Variants in MICU1 observed in about 807,000 individuals in gnomAD.
MICU1 encodes mitochondrial calcium uptake 1.
A neutral mutation model predicts 56.8 loss-of-function variants in MICU1; 45 were observed. The ratio of observed to expected loss-of-function variants is 0.79; its 90% CI spans 0.62 to 1.02. The LOEUF is 1.02. Among genes scored for constraint, MICU1 ranks in the 50% least tolerant of loss-of-function variants. MICU1 has a pLI of 0.00. For missense variants in MICU1, 504 were observed against 587.1 expected (o/e 0.86, Z 1.46); for synonymous variants, 186 against 195.1 (o/e 0.95, Z 0.39).
At chr10:72,499,933 C>G (rs1340986159) in intron 6 of MICU1, among the ~76,000 whole-genome samples, 1 of 152,118 alleles carries the variant, frequency 6.6e-6, no homozygotes, top group African/African-American at 2.4e-5. Context: ...CACAACTTCA[C>G]TTGAATGCTA....
chr10:72,386,490 A>G (rs113212942), intron 10 of MICU1, among the ~76,000 whole-genome samples: 10,817 of 150,648 alleles, frequency 0.072, 1,332 homozygotes, highest in African/African-American at 0.25. Context: ...ACAAGGGACT[A>G]TCTTTTTGAA....
intron 6 of MICU1, chr10:72,501,895 C>T (rs917122486): frequency 6.6e-6 from 1 of 152,160 alleles, no homozygotes; most frequent in Non-Finnish European, 1.5e-5. Flanking sequence ...GAAGAATTAA[C>T]TCTAATGGAA....
chr10:72,409,764 T>C (rs1010426357), intron 9 of MICU1, among the ~76,000 whole-genome samples: 8 of 152,186 alleles, frequency 5.3e-5, no homozygotes, highest in African/African-American at 1.7e-4. Flanking sequence ...CTTAGAATCA[T>C]AGAACTTAAA....
chr10:72,400,866 T>TACACACACACAC (rs61091649), intron 10 of MICU1, among the ~76,000 whole-genome samples: 1 of 142,238 alleles, frequency 7.0e-6, no homozygotes, highest in Non-Finnish European at 1.6e-5. Context: ...CTGGTGGTGC[T>TACACACACACAC]ACACACACAC....
intron 6 of MICU1, among the ~76,000 whole-genome samples, chr10:72,489,306 ACAC>A (rs1866576710): frequency 7.1e-6 from 1 of 140,916 alleles, no homozygotes; most frequent in African/African-American, 3.2e-5. Flanking sequence ...ACACACACAC[ACAC>A]ACACACACAC....
intron 10 of MICU1, among the ~76,000 whole-genome samples, chr10:72,378,627 T>C (rs936519689): frequency 6.6e-6 from 1 of 152,144 alleles, no homozygotes; most frequent in Non-Finnish European, 1.5e-5. Flanking sequence ...AAGAATTAAT[T>C]AATACATCAC....
At chr10:72,396,072 G>T (rs1047417319) in intron 10 of MICU1, among the ~76,000 whole-genome samples, 3 of 152,186 alleles carry the variant, frequency 2.0e-5, no homozygotes, top group African/African-American at 7.2e-5. Flanking sequence ...CTGGGAGGAC[G>T]CTTCCAGAGG....
chr10:72,457,126 G>C (rs1865496262), intron 8 of MICU1, among the ~76,000 whole-genome samples: 1 of 151,700 alleles, frequency 6.6e-6, no homozygotes, highest in South Asian at 2.1e-4. Flanking sequence ...GCCCATCCTA[G>C]GGTAATTTCT....
chr10:72,561,763 A>G (rs1029473711), intron 3 of MICU1, among the ~76,000 whole-genome samples: 65 of 152,300 alleles, frequency 4.3e-4, no homozygotes, highest in African/African-American at 1.5e-3. Flanking sequence ...GTGAGCCAAG[A>G]TCATGCCATT....
intron 10 of MICU1, among the ~76,000 whole-genome samples, chr10:72,392,533 T>C (rs1053401281): frequency 2.6e-5 from 4 of 152,066 alleles, no homozygotes; most frequent in Non-Finnish European, 5.9e-5. Flanking sequence ...ATTGTACCAC[T>C]GCACTCCAGT....
At chr10:72,401,679 A>G (rs1211123616) in intron 10 of MICU1, among the ~76,000 whole-genome samples, 1 of 152,118 alleles carries the variant, frequency 6.6e-6, no homozygotes, top group Non-Finnish European at 1.5e-5. Flanking sequence ...AAAACAAAAC[A>G]TTTCCATCAC....
chr10:72,440,522 T>C (rs1173533835), intron 8 of MICU1, among the ~76,000 whole-genome samples: 2 of 152,094 alleles, frequency 1.3e-5, no homozygotes, highest in Non-Finnish European at 2.9e-5. Flanking sequence ...CCAAAAGCAA[T>C]GGCAACAAAA....
chr10:72,537,499 T>C (rs936231291), intron 4 of MICU1, among the ~76,000 whole-genome samples: 1 of 152,212 alleles, frequency 6.6e-6, no homozygotes, highest in African/African-American at 2.4e-5. Context: ...CACCAGACTA[T>C]AGCTATGTTG....
intron 10 of MICU1, 123 bp downstream of exon 10, chr10:72,407,806 C>G: frequency 1.6e-6 from 1 of 624,430 alleles, no homozygotes; most frequent in East Asian, 2.8e-5. Flanking sequence ...GTCAACAAAT[C>G]AAAACACCAT....
At chr10:72,586,835 G>A (rs540731993) in intron 1 of MICU1, among the ~76,000 whole-genome samples, 1 of 152,324 alleles carries the variant, frequency 6.6e-6, no homozygotes, top group South Asian at 2.1e-4. Context: ...AACAGGTGTA[G>A]TTGAAGACTA....
At chr10:72,424,392 C>T (rs1246143562) in intron 8 of MICU1, among the ~76,000 whole-genome samples, 1 of 152,112 alleles carries the variant, frequency 6.6e-6, no homozygotes, top group Non-Finnish European at 1.5e-5. Context: ...GTATTACAGA[C>T]ATGAACCACC....
chr10:72,573,724 TAA>T (rs1008628130), intron 1 of MICU1, among the ~76,000 whole-genome samples: 22 of 152,180 alleles, frequency 1.4e-4, no homozygotes, highest in Admixed American at 1.2e-3. Context: ...GGATTTTATT[TAA>T]ACTTTTTCAT....
intron 8 of MICU1, among the ~76,000 whole-genome samples, chr10:72,456,057 C>A (rs1405861174): frequency 6.6e-6 from 1 of 152,200 alleles, no homozygotes; most frequent in Non-Finnish European, 1.5e-5. Context: ...TCTCTATTCA[C>A]TAGACTCAAA....
chr10:72,599,817 C>G (rs543453444), intron 1 of MICU1, among the ~76,000 whole-genome samples: 1 of 152,278 alleles, frequency 6.6e-6, no homozygotes, highest in South Asian at 2.1e-4. Flanking sequence ...CGCCTATGCA[C>G]ACAAACACAC....
Sources: gnomAD v4.1 joint callset for allele counts (sites outside exome capture counted in the v4.1 genomes callset) on GRCh38, gnomAD v4.1.1 for gene constraint, MANE v1.5 for transcripts, NCBI Gene and HGNC (gene_info 2026-07-23, HGNC 2026-07-21) for gene names.